VDR: variants seen among roughly 807,000 people sequenced by gnomAD.
The protein encoded by VDR is vitamin D3 receptor.
Under a neutral mutation model 39.7 loss-of-function variants are expected in VDR, and 19 were observed. That is an observed-to-expected ratio of 0.48 (90% CI 0.33 to 0.70). VDR has a LOEUF of 0.70. Among genes scored for constraint, VDR ranks in the 30% least tolerant of loss-of-function variants. The pLI is 0.02. For synonymous variants in VDR, 242 were observed against 215.8 expected (o/e 1.12, Z -1.07); for missense variants, 442 against 570.5 (o/e 0.77, Z 2.29).
intron 9 of VDR, 133 bp from the exon 10 acceptor site, chr12:47,845,138 C>G (rs1362176282): frequency 7.2e-7 from 1 of 1,379,358 alleles, no homozygotes; most frequent in East Asian, 2.3e-5. Context: ...TGACTGCTGA[C>G]CGGTGATACC....
chr12:47,887,246 A>G (rs1946272769), intron 1 of VDR, among the ~76,000 whole-genome samples: 1 of 136,594 alleles, frequency 7.3e-6, no homozygotes. Context: ...CTCTTGAACC[A>G]GGGAGGCAGA....
chr12:47,873,785 G>C (rs1452558387), intron 3 of VDR, among the ~76,000 whole-genome samples: 1 of 152,154 alleles, frequency 6.6e-6, no homozygotes, highest in African/African-American at 2.4e-5. Flanking sequence ...CTCAATCCAA[G>C]CTAGAGCAGC....
rs1265380473 is a variant in VDR at position 47,844,733 on chromosome 12, C to CA, written c.*12dup. 6.2e-7 allele frequency: 1 copy of CA among 1,613,760 alleles called. No homozygotes were observed. Among genetic ancestry groups the CA allele is most frequent in the Non-Finnish European group, 8.5e-7 (1 of 1,179,972 alleles). On this transcript the variant is annotated 3_prime_UTR_variant, in exon 10 of 10. Coordinates refer to ENST00000549336, the MANE Select transcript of VDR (RefSeq NM_000376.3). Reference sequence around the variant, plus strand: ...GAGCAGCCCCACCCAGGCACCGCCACAGGCTGTCCTAGTCAGGAGATCTCA... The same window carrying CA: ...GAGCAGCCCCACCCAGGCACCGCCACAAGGCTGTCCTAGTCAGGAGATCTCA...
intron 7 of VDR, among the ~76,000 whole-genome samples, chr12:47,848,357 G>C (rs1945319239): frequency 6.6e-6 from 1 of 151,568 alleles, no homozygotes; most frequent in African/African-American, 2.4e-5. Flanking sequence ...GCATACTACA[G>C]CTCCAGCCAG....
chr12:47,859,866 T>TTTCC (rs760043388), intron 4 of VDR, among the ~76,000 whole-genome samples: 1,031 of 50,316 alleles, frequency 0.02, 24 homozygotes, highest in Admixed American at 0.035. Flanking sequence ...TCCTTCCTTC[T>TTTCC]TTCCTTCCTT....
chr12:47,875,363 G>A (rs889158920), intron 3 of VDR, among the ~76,000 whole-genome samples: 1 of 152,186 alleles, frequency 6.6e-6, no homozygotes, highest in Non-Finnish European at 1.5e-5. Context: ...ATCAGGAAAT[G>A]GTCAAGCAAG....
At chr12:47,857,811 G>A (rs1014568757) in intron 4 of VDR, 123 bp from the exon 5 acceptor site, 14 of 1,085,170 alleles carry the variant, frequency 1.3e-5, no homozygotes, top group Non-Finnish European at 1.7e-5. Context: ...TCCCTCGGGG[G>A]TCCTCCTGCC....
At position 47,877,818 on chromosome 12, in the gene VDR, A is replaced by G. The variant is rs553456380; in HGVS notation, c.146+1150T>C. On this transcript the variant is annotated intron_variant, in intron 3 of 9. Transcript: ENST00000549336. ...GCTTGTCTGGTTCCCCGAGCTGGAG[A>G]GTAGGCTGCCGGGAAGCCAAGCGGG... Among the ~76,000 whole-genome samples, 8 of 152,324 alleles carry G rather than the reference A, an allele frequency of 5.3e-5. No individual in the cohort carries two copies. The East Asian group carries it at 1.3e-3, about 26-fold the overall frequency.
At chr12:47,881,029 A>G (rs1054778698) in intron 2 of VDR, among the ~76,000 whole-genome samples, 1 of 151,192 alleles carries the variant, frequency 6.6e-6, no homozygotes, top group African/African-American at 2.4e-5. Context: ...CAGCGATAGC[A>G]AAGACACAGA....
rs114369287 is a variant in VDR at position 47,862,315 on chromosome 12, A to G, written c.277+2732T>C. 6.2e-3 allele frequency among the ~76,000 whole-genome samples: 949 copies of G among 152,310 alleles called. 10 individuals are homozygous for G. The highest frequency in any genetic ancestry group is 0.021 in the African/African-American group (886 of 41,566). On this transcript the variant is annotated intron_variant, in intron 4 of 9. Transcript: ENST00000549336. ...GAAAGTGCCTGGAAATGCACAATGG[A>G]GTGAGCTCCGACCCACTGGGGCCAC...
At position 47,879,413 on chromosome 12, in the gene VDR, C is replaced by T. The variant is rs143861757; in HGVS notation, c.-2-298G>A. On this transcript the variant is annotated intron_variant, in intron 2 of 9. Coordinates refer to ENST00000549336, the MANE Select transcript of VDR (RefSeq NM_000376.3). ...TTAGTGGTTCACCTCTGCATGCCCC[C>T]GCTGTCTGCATTGGAAGAGGTGTTT... is the stretch of plus-strand genomic sequence containing the variant. 8.1e-3 allele frequency among the ~76,000 whole-genome samples: 1,222 copies of T among 151,192 alleles called. 21 individuals carry two copies. The highest frequency in any genetic ancestry group is 0.028 in the African/African-American group (1,152 of 41,500).
chr12:47,899,016 T>C (rs1392439131), intron 1 of VDR, among the ~76,000 whole-genome samples: 1 of 152,196 alleles, frequency 6.6e-6, no homozygotes, highest in Non-Finnish European at 1.5e-5. Flanking sequence ...AATCTATACA[T>C]AAACATATAA....
intron 4 of VDR, among the ~76,000 whole-genome samples, chr12:47,863,073 A>G (rs1945657612): frequency 6.6e-6 from 1 of 152,152 alleles, no homozygotes; most frequent in South Asian, 2.1e-4. Flanking sequence ...TGGGGTGGAC[A>G]TCGCTTCTGG....
chr12:47,862,332 T>A (rs1194554948), intron 4 of VDR, among the ~76,000 whole-genome samples: 1 of 152,192 alleles, frequency 6.6e-6, no homozygotes, highest in Non-Finnish European at 1.5e-5. Flanking sequence ...TCCGACCCAC[T>A]GGGGCCACGA....
chr12:47,892,560 G>T lies in VDR; in HGVS notation c.-83-9786C>A, dbSNP rs115604912. On this transcript the variant is annotated intron_variant, in intron 1 of 9. Transcript: ENST00000549336. ...TTCTTCTTGGCCTCACACTGTGGTG[G>T]ACATTGACTCTGGCCTCTGCTGCCT... 6.5e-3 allele frequency among the ~76,000 whole-genome samples: 992 copies of T among 152,330 alleles called. 12 individuals are homozygous for T. The highest frequency in any genetic ancestry group is 0.022 in the African/African-American group (931 of 41,558).
intron 4 of VDR, among the ~76,000 whole-genome samples, chr12:47,858,469 A>G (rs1010797089): frequency 1.3e-5 from 2 of 152,210 alleles, no homozygotes; most frequent in Admixed American, 6.5e-5. Context: ...AAGGCCCCAA[A>G]GGGTGAGGCC....
At chr12:47,863,584 C>A (rs370993981) in intron 4 of VDR, among the ~76,000 whole-genome samples, 1 of 152,198 alleles carries the variant, frequency 6.6e-6, no homozygotes, top group Admixed American at 6.5e-5. Context: ...GTGTGTGAAG[C>A]CTCTTAAGGC....
chr12:47,854,928 C>T (rs532048418), intron 7 of VDR, among the ~76,000 whole-genome samples: 61 of 152,376 alleles, frequency 4.0e-4, no homozygotes, highest in Non-Finnish European at 5.3e-4. Flanking sequence ...TGCTGTGGCT[C>T]ATGCCCGTAA....
intron 3 of VDR, among the ~76,000 whole-genome samples, chr12:47,878,459 C>G (rs1341947361): frequency 1.3e-5 from 2 of 152,214 alleles, no homozygotes; most frequent in Non-Finnish European, 2.9e-5. Context: ...GGTTGGCTTT[C>G]AGACCAGGAC....
Sources: allele counts gnomAD v4.1 joint callset (sites outside exome capture counted in the v4.1 genomes callset), GRCh38; gene constraint gnomAD v4.1.1; transcripts MANE v1.5; gene names NCBI Gene and HGNC (gene_info 2026-07-23, HGNC 2026-07-21).